Variants in STAP1 observed in about 807,000 individuals in gnomAD.
STAP1 encodes signal transducing adaptor family member 1.
Under a neutral mutation model 37.8 loss-of-function variants are expected in STAP1, and 30 were observed. The observed-to-expected ratio is 0.79, with a 90% CI of 0.59 to 1.08. The LOEUF is 1.08. Among genes scored for constraint, STAP1 ranks in the 50% least tolerant of loss-of-function variants. The probability of loss-of-function intolerance (pLI) is 0.00; values close to 1 mark genes in which losing one functional copy is unlikely to be tolerated. For synonymous variants in STAP1, 130 were observed against 116.0 expected, an observed-to-expected ratio of 1.12 and a Z score of -0.78; for missense variants, 357 against 349.4, an observed-to-expected ratio of 1.02 and a Z score of -0.17.
intron 6 of STAP1, among the ~76,000 whole-genome samples, chr4:67,586,769 A>G (rs922445639): frequency 4.6e-5 from 7 of 152,218 alleles, no homozygotes; most frequent in Non-Finnish European, 8.8e-5. Context: ...GTTTGAATTC[A>G]TATAGAAATT....
intron 6 of STAP1, among the ~76,000 whole-genome samples, chr4:67,584,116 AGAACAC>A (rs1727930508): frequency 7.5e-6 from 1 of 134,094 alleles, no homozygotes; most frequent in Non-Finnish European, 1.6e-5. Flanking sequence ...AAAAAAAAAA[AGAACAC>A]AAGAATAGGG....
chr4:67,589,062 G>A (rs1368148355), intron 6 of STAP1, among the ~76,000 whole-genome samples: 1 of 152,162 alleles, frequency 6.6e-6, no homozygotes, highest in Non-Finnish European at 1.5e-5. Context: ...ATGACAATCA[G>A]AATTTGAACC....
intron 5 of STAP1, among the ~76,000 whole-genome samples, chr4:67,582,301 G>GT (rs368595773): frequency 0.3 from 45,062 of 147,810 alleles, 7,041 homozygotes; most frequent in South Asian, 0.41. Flanking sequence ...TAACATTTTA[G>GT]TTTTTTTTTT....
At chr4:67,590,059 C>T (rs1728087784) in intron 6 of STAP1, among the ~76,000 whole-genome samples, 1 of 152,126 alleles carries the variant, frequency 6.6e-6, no homozygotes, top group South Asian at 2.1e-4. Context: ...ATGCCTTGGC[C>T]TCTCAAAAGT....
At chr4:67,596,952 A>G (rs1204230476) in intron 8 of STAP1, among the ~76,000 whole-genome samples, 1 of 152,236 alleles carries the variant, frequency 6.6e-6, no homozygotes, top group Non-Finnish European at 1.5e-5. Context: ...GGACAAATTC[A>G]AGCTGGCTGC....
At chr4:67,584,566 G>A (rs1727938696) in intron 6 of STAP1, among the ~76,000 whole-genome samples, 1 of 152,178 alleles carries the variant, frequency 6.6e-6, no homozygotes, top group Non-Finnish European at 1.5e-5. Context: ...TTAATATAGA[G>A]TGGTCAAGGA....
intron 6 of STAP1, among the ~76,000 whole-genome samples, chr4:67,590,498 A>T (rs1268010537): frequency 1.3e-5 from 2 of 152,186 alleles, no homozygotes; most frequent in Non-Finnish European, 2.9e-5. Flanking sequence ...ACTTCTCTCA[A>T]TATGGAGAAT....
intron 7 of STAP1, among the ~76,000 whole-genome samples, chr4:67,591,803 G>A (rs917812772): frequency 2.0e-5 from 3 of 152,146 alleles, no homozygotes; most frequent in Non-Finnish European, 2.9e-5. Flanking sequence ...CTGATTCATA[G>A]AGCACACTTA....
chr4:67,581,606 G>A (rs751761697), intron 5 of STAP1, 135 bp downstream of exon 5: 13 of 901,852 alleles, frequency 1.4e-5, no homozygotes, highest in East Asian at 5.4e-5. Context: ...ATATCTCTGC[G>A]TACATGCCAT....
intron 1 of STAP1, among the ~76,000 whole-genome samples, chr4:67,567,368 T>TGG (rs34020128): frequency 4.8e-4 from 68 of 142,054 alleles, no homozygotes; most frequent in African/African-American, 1.6e-3. Context: ...AGTTCTCAAC[T>TGG]GGGGGGAGGA....
intron 6 of STAP1, among the ~76,000 whole-genome samples, chr4:67,589,796 G>A (rs1268013774): frequency 6.7e-6 from 1 of 148,446 alleles, no homozygotes; most frequent in Non-Finnish European, 1.5e-5. Context: ...ACATTATGAG[G>A]TGGGGGATCC....
Position 67,574,616 on chromosome 4 carries a change from T to A in STAP1, c.193-769T>A, listed in dbSNP as rs1578025127. On this transcript the variant is annotated intron_variant, in intron 2 of 8. Transcript: ENST00000265404. ...CATATTAACATTTTTTCCTTTACTT[T>A]TTAAAGCCTACACCAAGGGCCAATA... is the stretch of plus-strand genomic sequence containing the variant. 3.3e-5 allele frequency among the ~76,000 whole-genome samples: 5 copies of A among 152,318 alleles called. No homozygotes were observed. The East Asian group carries it at 7.7e-4, about 24-fold the overall frequency.
Position 67,604,658 on chromosome 4 carries a change from T to G in STAP1, c.827-1638T>G, listed in dbSNP as rs145088132. Among the ~76,000 whole-genome samples the G allele has an allele frequency of 2.2e-4, 33 of 152,356 alleles. No individual in the cohort carries two copies. The East Asian group carries it at 5.8e-3, about 27-fold the overall frequency. ...AAAACTGGGGAATTGGTCAAATTCC[T>G]TCTTTTGTATATCAAGTAATTCCTG... On this transcript the variant is annotated intron_variant, in intron 8 of 8. Coordinates refer to ENST00000265404, the MANE Select transcript of STAP1 (RefSeq NM_012108.4).
chr4:67,590,256 T>C (rs888655855), intron 6 of STAP1, among the ~76,000 whole-genome samples: 1 of 152,218 alleles, frequency 6.6e-6, no homozygotes, highest in Non-Finnish European at 1.5e-5. Context: ...TTGAGTGCTA[T>C]GTGACTATAG....
chr4:67,603,014 A>G (rs970815023), intron 8 of STAP1, among the ~76,000 whole-genome samples: 5 of 152,192 alleles, frequency 3.3e-5, no homozygotes, highest in Admixed American at 6.5e-5. Flanking sequence ...AAGAAATGCC[A>G]TCCAGGAGCC....
intron 1 of STAP1, among the ~76,000 whole-genome samples, chr4:67,570,552 C>T (rs1560457380): frequency 6.6e-6 from 1 of 152,068 alleles, no homozygotes; most frequent in Non-Finnish European, 1.5e-5. Context: ...GTCCTAGCTA[C>T]TCTGGAGGCT....
intron 3 of STAP1, among the ~76,000 whole-genome samples, chr4:67,576,801 G>A (rs945696712): frequency 6.6e-6 from 1 of 152,148 alleles, no homozygotes; most frequent in South Asian, 2.1e-4. Flanking sequence ...ACCTGGTATT[G>A]TTATTATTAG....
chr4:67,576,635 T>C (rs1442250815), intron 3 of STAP1, among the ~76,000 whole-genome samples: 1 of 152,154 alleles, frequency 6.6e-6, no homozygotes, highest in African/African-American at 2.4e-5. Flanking sequence ...GCCTCTCAAG[T>C]AGCTGACACC....
chr4:67,560,643 GGTGTGTGTCTGTGT>G (rs1372760388), intron 1 of STAP1, among the ~76,000 whole-genome samples: 1 of 149,490 alleles, frequency 6.7e-6, no homozygotes, highest in Non-Finnish European at 1.5e-5. Context: ...TGTGTGTGTG[GGTGTGTGTCTGTGT>G]GTGTGTGTGT....
Sources: allele counts gnomAD v4.1 joint callset (sites outside exome capture counted in the v4.1 genomes callset), GRCh38; gene constraint gnomAD v4.1.1; transcripts MANE v1.5; gene names NCBI Gene and HGNC (gene_info 2026-07-23, HGNC 2026-07-21).